Variants in DST observed in about 807,000 individuals in gnomAD.
The protein encoded by DST is dystonin.
Under a neutral mutation model 875.2 loss-of-function variants are expected in DST, and 253 were observed. The ratio of observed to expected loss-of-function variants is 0.29; its 90% CI spans 0.26 to 0.32. DST has a LOEUF of 0.32. DST is among the 10% of genes least tolerant of loss of function. The pLI is 1.00. For synonymous variants in DST, 3,124 were observed against 3,197.1 expected (o/e 0.98, Z 0.77); for missense variants, 8,287 against 9,111.6 (o/e 0.91, Z 3.68).
At chr6:56,926,514 C>T (rs1807174154) in intron 2 of DST, among the ~76,000 whole-genome samples, 1 of 152,108 alleles carries the variant, frequency 6.6e-6, no homozygotes, top group Admixed American at 6.5e-5. Context: ...AAGCCAAGGC[C>T]ATCGCTTCAA....
At chr6:56,649,162 C>T (rs188226700) in intron 12 of DST, among the ~76,000 whole-genome samples, 1 of 152,262 alleles carries the variant, frequency 6.6e-6, no homozygotes, top group Non-Finnish European at 1.5e-5. Flanking sequence ...TGTACACAAA[C>T]TACAGGAAAT....
At position 56,555,336 on chromosome 6, in the gene DST, T is replaced by C. The variant is rs760684017; in HGVS notation, c.15136+9A>G. 5.1e-6 allele frequency: 8 copies of C among 1,555,296 alleles called. No individual in the cohort carries two copies. Among genetic ancestry groups the C allele is most frequent in the Non-Finnish European group, 6.1e-6 (7 of 1,152,680 alleles). On this transcript the variant is annotated intron_variant, in intron 60 of 103. Coordinates refer to ENST00000680361, the MANE Select transcript of DST (RefSeq NM_001374736.1). ...GACCAGGAAATATATGTATTAAAAG[T>C]AGACAAACCTGCTTTCTGTTCAACA...
At chr6:56,920,543 C>A (rs568397450) in intron 2 of DST, among the ~76,000 whole-genome samples, 81 of 152,072 alleles carry the variant, frequency 5.3e-4, no homozygotes, top group Non-Finnish European at 1.0e-3. Flanking sequence ...AGTGAGCAAC[C>A]GTTAAAAATT....
intron 69 of DST, among the ~76,000 whole-genome samples, chr6:56,517,988 C>A (rs1315131063): frequency 6.6e-6 from 1 of 152,112 alleles, no homozygotes; most frequent in Non-Finnish European, 1.5e-5. Flanking sequence ...TCACCCATCA[C>A]TTCAACTCCT....
chr6:56,926,549 C>T (rs1304807956), intron 2 of DST, among the ~76,000 whole-genome samples: 1 of 152,116 alleles, frequency 6.6e-6, no homozygotes, highest in Admixed American at 6.5e-5. Context: ...TCAACAGGGA[C>T]AAAGTCAAGG....
At chr6:56,693,105 T>G (rs150600128) in intron 9 of DST, 2 of 1,289,076 alleles carry the variant, frequency 1.6e-6, no homozygotes, top group Non-Finnish European at 2.0e-6. Context: ...GATCTACATA[T>G]TGTTCTTCTT....
chr6:56,834,824 A>C (rs571360582), intron 4 of DST, among the ~76,000 whole-genome samples: 3 of 152,286 alleles, frequency 2.0e-5, no homozygotes, highest in Admixed American at 2.0e-4. Context: ...AGCTAAACGT[A>C]CCATACAATC....
At chr6:56,881,400 G>A (rs559635635) in intron 3 of DST, among the ~76,000 whole-genome samples, 99 of 152,220 alleles carry the variant, frequency 6.5e-4, no homozygotes, top group African/African-American at 2.0e-3. Flanking sequence ...TTGAACCCGG[G>A]AGACAGAGGT....
chr6:56,623,007 T>C (rs2098704227), intron 36 of DST, among the ~76,000 whole-genome samples: 1 of 152,232 alleles, frequency 6.6e-6, no homozygotes, highest in Non-Finnish European at 1.5e-5. Context: ...AATTAAGCTA[T>C]GTATCTTTTA....
chr6:56,605,524 C>T lies in DST; in HGVS notation c.9104G>A (p.Gly3035Glu), dbSNP rs2098486833. 1 of 1,612,982 alleles carries T rather than the reference C, an allele frequency of 6.2e-7. No individual in the cohort carries two copies. The highest frequency in any genetic ancestry group is 8.5e-7 in the Non-Finnish European group (1 of 1,179,334). Residue 3035 changes from glycine (G) to glutamate (E), a missense_variant, in exon 40 of 104, where the codon GGG becomes GAG. Physicochemically the swap from Gly to Glu is moderately conservative, Grantham distance 98 (BLOSUM62 -2). Coordinates refer to ENST00000680361, the MANE Select transcript of DST (RefSeq NM_001374736.1). ...TAGAATATCACTTTTGCCATCTCTC[C>T]CTTTAATGAGATCGCTTCCATTTCC... ...PQGNGSDLIK[G>E]RDGKSDILIE...
At chr6:56,649,779 T>G (rs1452037655) in intron 12 of DST, among the ~76,000 whole-genome samples, 1 of 152,208 alleles carries the variant, frequency 6.6e-6, no homozygotes, top group Admixed American at 6.5e-5. Context: ...AAGGAATATG[T>G]AGACACTGAA....
At chr6:56,899,365 A>G (rs556638800) in intron 3 of DST, among the ~76,000 whole-genome samples, 7 of 152,086 alleles carry the variant, frequency 4.6e-5, no homozygotes, top group Non-Finnish European at 1.0e-4. Context: ...TTTTTTTTCA[A>G]TTGGTTATGA....
intron 4 of DST, among the ~76,000 whole-genome samples, chr6:56,822,241 C>T (rs1254384095): frequency 6.6e-6 from 1 of 152,094 alleles, no homozygotes; most frequent in Non-Finnish European, 1.5e-5. Context: ...ACACGCAGCA[C>T]AGGGGAGTGT....
chr6:56,831,731 G>A (rs2099787308), intron 4 of DST, among the ~76,000 whole-genome samples: 1 of 148,500 alleles, frequency 6.7e-6, no homozygotes, highest in Admixed American at 6.6e-5. Flanking sequence ...GTTCCAAACT[G>A]GTGAAGATCT....
At chr6:56,630,877 G>A (rs1455870750) in intron 30 of DST, among the ~76,000 whole-genome samples, 1 of 151,678 alleles carries the variant, frequency 6.6e-6, no homozygotes, top group Admixed American at 6.6e-5. Flanking sequence ...CCACCTCCCG[G>A]GTTCAAGTGA....
intron 10 of DST, among the ~76,000 whole-genome samples, chr6:56,669,798 A>G (rs562422561): frequency 6.6e-6 from 1 of 152,212 alleles, no homozygotes; most frequent in African/African-American, 2.4e-5. Context: ...GGATGACAAT[A>G]GGGATGTTGT....
intron 61 of DST, among the ~76,000 whole-genome samples, chr6:56,539,768 T>C (rs2097092511): frequency 6.6e-6 from 1 of 152,180 alleles, no homozygotes; most frequent in Non-Finnish European, 1.5e-5. Context: ...AAGTACAGCA[T>C]AATAACTCTA....
chr6:56,911,523 C>T (rs112918083), intron 2 of DST, among the ~76,000 whole-genome samples: 35 of 152,328 alleles, frequency 2.3e-4, no homozygotes, highest in African/African-American at 7.0e-4. Flanking sequence ...GTCATTCCTA[C>T]GGCATCTCGC....
In DST at chr6:56,599,702, C is replaced by A. The variant is rs532662344; in HGVS notation, c.11694+367G>T. 2.0e-5 allele frequency among the ~76,000 whole-genome samples: 3 copies of A among 152,108 alleles called. No individual in the cohort carries two copies. In the East Asian group the frequency reaches 5.8e-4, roughly 29 times the overall value. On this transcript the variant is annotated intron_variant, in intron 45 of 103. Coordinates refer to ENST00000680361, the MANE Select transcript of DST (RefSeq NM_001374736.1). ...ACAAGAAAGAAGGAGTAAGAAGGAG[C>A]TAAGAAAGAGAAAGAACCCAAAGTG... is the stretch of plus-strand genomic sequence containing the variant.
Sources: allele counts gnomAD v4.1 joint callset (sites outside exome capture counted in the v4.1 genomes callset), GRCh38; gene constraint gnomAD v4.1.1; transcripts MANE v1.5; gene names NCBI Gene and HGNC (gene_info 2026-07-23, HGNC 2026-07-21).